USP25: variants seen among roughly 807,000 people sequenced by gnomAD.
USP25 encodes ubiquitin carboxyl-terminal hydrolase 25.
USP25 carries 85 observed loss-of-function variants against 158.5 expected under a neutral mutation model. The observed-to-expected ratio is 0.54, with a 90% CI of 0.45 to 0.64. The LOEUF (loss-of-function observed/expected upper bound fraction) is 0.64. Among genes scored for constraint, USP25 ranks in the 30% least tolerant of loss-of-function variants. The pLI, the probability that USP25 is intolerant of heterozygous loss-of-function variation, is 0.00. For missense variants in USP25, 1,242 were observed against 1,327.3 expected, an observed-to-expected ratio of 0.94 and a Z score of 1.00; for synonymous variants, 464 against 460.4, an observed-to-expected ratio of 1.01 and a Z score of -0.10.
chr21:15,862,028 A>G (rs1042144132), intron 20 of USP25, among the ~76,000 whole-genome samples: 1 of 152,132 alleles, frequency 6.6e-6, no homozygotes, highest in Non-Finnish European at 1.5e-5. Context: ...GAAATCTGCT[A>G]TTTATTAAAA....
At chr21:15,769,076 A>G (rs1568780315) in intron 3 of USP25, among the ~76,000 whole-genome samples, 1 of 152,114 alleles carries the variant, frequency 6.6e-6, no homozygotes, top group African/African-American at 2.4e-5. Flanking sequence ...TAGTTTTTAA[A>G]CTAATATCAC....
intron 1 of USP25, among the ~76,000 whole-genome samples, chr21:15,758,517 C>G (rs1282038048): frequency 1.3e-5 from 2 of 152,166 alleles, no homozygotes; most frequent in Non-Finnish European, 2.9e-5. Context: ...CTTTGCCCCT[C>G]CTTCACCTTC....
Position 15,871,335 on chromosome 21 carries a change from A to T in USP25, c.2885+1188A>T, listed in dbSNP as rs148529295. ...TCAAGATTTTATTTCTTTAATAGGA[A>T]TATTCAAATGTACTATTAGAATTTA... On this transcript the variant is annotated intron_variant, in intron 23 of 25. Transcript: ENST00000400183. Among the ~76,000 whole-genome samples the T allele has an allele frequency of 5.6e-4, 86 of 152,346 alleles. 1 individual carries two copies. The highest frequency in any genetic ancestry group is 3.4e-3 in the Middle Eastern group (1 of 294).
chr21:15,770,874 A>G (rs2034312172), intron 3 of USP25, among the ~76,000 whole-genome samples: 1 of 152,236 alleles, frequency 6.6e-6, no homozygotes, highest in Admixed American at 6.5e-5. Flanking sequence ...AGCTGAAAGC[A>G]AGGGAAAATG....
At chr21:15,870,758 A>G (rs2039852513) in intron 23 of USP25, among the ~76,000 whole-genome samples, 1 of 152,208 alleles carries the variant, frequency 6.6e-6, no homozygotes, top group South Asian at 2.1e-4. Context: ...TTTATTTTCA[A>G]TGCAGTGTAT....
intron 1 of USP25, among the ~76,000 whole-genome samples, chr21:15,738,956 C>G (rs2031781480): frequency 6.6e-6 from 1 of 152,150 alleles, no homozygotes; most frequent in Non-Finnish European, 1.5e-5. Flanking sequence ...CTCATTTGAT[C>G]ATGACCCTCT....
At position 15,745,110 on chromosome 21, in the gene USP25, G is replaced by C. The variant is rs140053047; in HGVS notation, c.45+14672G>C. ...GTTCTGCCTTAAGCTTCTAAGCAGG[G>C]GCATCTTTTATGGTCGGGGGGAGGG... On this transcript the variant is annotated intron_variant, in intron 1 of 25. Transcript: ENST00000400183. The C allele has an allele frequency of 3.3e-5, 5 of 152,370 alleles. No homozygotes were observed. In the East Asian group the frequency reaches 7.8e-4, roughly 24 times the overall value. The allele number at this position is 152,370 out of a possible 1,614,324, so 9.4% of individuals were successfully genotyped here. A position where few individuals can be genotyped will look rare whatever the true frequency, so the allele number is the denominator to read the frequency against.
chr21:15,830,415 A>C, intron 14 of USP25, 116 bp from the exon 15 acceptor site: 1 of 755,852 alleles, frequency 1.3e-6, no homozygotes, highest in Admixed American at 3.3e-5. Flanking sequence ...TTTTAAGAAA[A>C]GTTTTAGGAA....
intron 17 of USP25, among the ~76,000 whole-genome samples, chr21:15,838,010 AC>A (rs2038140932): frequency 6.6e-6 from 1 of 151,354 alleles, no homozygotes; most frequent in Non-Finnish European, 1.5e-5. Flanking sequence ...ATCTTAGCTC[AC>A]TGCCTGCCGG....
chr21:15,769,491 T>C (rs2123449206), intron 3 of USP25, among the ~76,000 whole-genome samples: 1 of 152,270 alleles, frequency 6.6e-6, no homozygotes, highest in South Asian at 2.1e-4. Flanking sequence ...TCAGATCAAA[T>C]ATTATAGATT....
At chr21:15,860,013 G>A (rs888873234) in intron 20 of USP25, among the ~76,000 whole-genome samples, 1 of 135,900 alleles carries the variant, frequency 7.4e-6, no homozygotes, top group Non-Finnish European at 1.5e-5. Flanking sequence ...TTTTTGGATG[G>A]CGTCTCGCTC....
At chr21:15,758,322 C>G (rs565188869) in intron 1 of USP25, among the ~76,000 whole-genome samples, 10 of 152,268 alleles carry the variant, frequency 6.6e-5, no homozygotes, top group African/African-American at 2.4e-4. Flanking sequence ...CACATCTCAT[C>G]TTGAATTGTA....
intron 16 of USP25, among the ~76,000 whole-genome samples, chr21:15,832,728 A>G (rs2037863790): frequency 6.6e-6 from 1 of 152,084 alleles, no homozygotes; most frequent in African/African-American, 2.4e-5. Context: ...AGCAAAGAAA[A>G]AAAAAAATGG....
At chr21:15,810,122 A>G (rs1249393054) in intron 8 of USP25, among the ~76,000 whole-genome samples, 2 of 152,180 alleles carry the variant, frequency 1.3e-5, no homozygotes, top group Non-Finnish European at 2.9e-5. Flanking sequence ...TTAAAGGGTT[A>G]TGTACATTTT....
chr21:15,786,059 A>G (rs1265342316), intron 4 of USP25, among the ~76,000 whole-genome samples: 1 of 152,174 alleles, frequency 6.6e-6, no homozygotes. Flanking sequence ...AAAATGGATA[A>G]ATTCTTGAAC....
intron 5 of USP25, among the ~76,000 whole-genome samples, chr21:15,792,289 G>C (rs369828910): frequency 7.0e-6 from 1 of 143,588 alleles, no homozygotes; most frequent in East Asian, 2.1e-4. Flanking sequence ...TTTCAATTTG[G>C]AACAGTTTTC....
intron 7 of USP25, among the ~76,000 whole-genome samples, chr21:15,806,429 CT>C (rs11289435): frequency 0.94 from 132,422 of 140,226 alleles, 62,466 homozygotes; most frequent in African/African-American, 0.97. Context: ...TTTCTGGTTT[CT>C]TTTTTTTTTT....
Position 15,730,301 on chromosome 21 carries a change from C to A in USP25, c.-93C>A. The A allele has an allele frequency of 9.9e-7, 1 of 1,012,000 alleles. No homozygotes were observed. Among genetic ancestry groups the A allele is most frequent in the South Asian group, 4.5e-5 (1 of 22,332 alleles). 62.7% of individuals were successfully genotyped at this position (1,012,000 alleles called of 1,614,324 possible). A position where few individuals can be genotyped will look rare whatever the true frequency, so the allele number is the denominator to read the frequency against. Reference sequence around the variant, plus strand: ...GTCCTCCCAGGCCGTCCGCGCCGCTCCCTGGAGCTCGGCGGAGCGCGGCAG... The same window carrying A: ...GTCCTCCCAGGCCGTCCGCGCCGCTACCTGGAGCTCGGCGGAGCGCGGCAG... On this transcript the variant is annotated 5_prime_UTR_variant, in exon 1 of 26. Coordinates refer to ENST00000400183, the MANE Select transcript of USP25 (RefSeq NM_001283041.3).
intron 17 of USP25, among the ~76,000 whole-genome samples, chr21:15,840,631 C>T (rs1426681275): frequency 6.6e-6 from 1 of 152,118 alleles, no homozygotes; most frequent in African/African-American, 2.4e-5. Context: ...CAGTGTTACT[C>T]ATAACGTTTT....
Sources: allele counts gnomAD v4.1 joint callset (sites outside exome capture counted in the v4.1 genomes callset), GRCh38; gene constraint gnomAD v4.1.1; transcripts MANE v1.5; gene names NCBI Gene and HGNC (gene_info 2026-07-23, HGNC 2026-07-21).